Variants in SLC35F3 observed in about 807,000 individuals in gnomAD.
The protein encoded by SLC35F3 is putative thiamine transporter SLC35F3.
In SLC35F3, 25 loss-of-function variants were observed where a neutral mutation model predicts 49.9. The ratio of observed to expected loss-of-function variants is 0.50; its 90% confidence interval spans 0.37 to 0.70. The LOEUF (loss-of-function observed/expected upper bound fraction) is 0.70, where lower values mean the gene tolerates loss of function less well. Among genes scored for constraint, SLC35F3 ranks in the 30% least tolerant of loss-of-function variants. SLC35F3 has a pLI of 0.00. For synonymous variants in SLC35F3, 275 were observed against 265.4 expected (o/e 1.04, Z -0.35); for missense variants, 525 against 639.8 (o/e 0.82, Z 1.94).
At chr1:233,947,406 T>A (rs1165473532) in intron 2 of SLC35F3, among the ~76,000 whole-genome samples, 1 of 149,596 alleles carries the variant, frequency 6.7e-6, no homozygotes, top group Admixed American at 6.7e-5. Flanking sequence ...GATTTATTCT[T>A]AAGGCTGAGA....
intron 2 of SLC35F3, among the ~76,000 whole-genome samples, chr1:233,971,869 C>T (rs1662999448): frequency 6.6e-6 from 1 of 152,308 alleles, no homozygotes; most frequent in South Asian, 2.1e-4. Context: ...ATTGACCATC[C>T]ACTTACACCC....
intron 3 of SLC35F3, among the ~76,000 whole-genome samples, chr1:234,292,553 T>C (rs918511693): frequency 6.6e-6 from 1 of 152,200 alleles, no homozygotes; most frequent in African/African-American, 2.4e-5. Flanking sequence ...TTGTGGTGCC[T>C]GTTGGGGCAT....
intron 2 of SLC35F3, among the ~76,000 whole-genome samples, chr1:233,991,355 C>T (rs750331190): frequency 5.3e-5 from 8 of 152,012 alleles, no homozygotes; most frequent in Non-Finnish European, 8.8e-5. Flanking sequence ...TTGAAACGCC[C>T]GTGCCTTGCC....
intron 2 of SLC35F3, among the ~76,000 whole-genome samples, chr1:233,906,752 C>A (rs1661784297): frequency 6.6e-6 from 1 of 151,590 alleles, no homozygotes; most frequent in South Asian, 2.1e-4. Context: ...TAATCATATT[C>A]ATCACTAAAA....
intron 2 of SLC35F3, among the ~76,000 whole-genome samples, chr1:233,911,159 C>T (rs1661868048): frequency 6.6e-6 from 1 of 152,156 alleles, no homozygotes; most frequent in Non-Finnish European, 1.5e-5. Flanking sequence ...TCCTAGCGTC[C>T]CTGTTAGTTC....
chr1:234,323,333 A>T lies in SLC35F3; in HGVS notation c.*90A>T. 1 of 1,149,862 alleles carries T rather than the reference A, an allele frequency of 8.7e-7. No homozygotes were observed. 71.2% of individuals were successfully genotyped at this position (1,149,862 alleles called of 1,614,324 possible). ...TTGGGTAAGGTGTACATACCTGTAC[A>T]GTTTTGGTCATCTGCGGTAAGTTCT... On this transcript the variant is annotated 3_prime_UTR_variant, in exon 8 of 8. Coordinates refer to ENST00000366618, the MANE Select transcript of SLC35F3 (RefSeq NM_173508.4). The surrounding 1 kb of genome is among the most constrained non-coding windows in gnomAD (Gnocchi z 4.5).
chr1:234,222,893 G>T (rs578188889), intron 2 of SLC35F3, among the ~76,000 whole-genome samples: 1 of 152,266 alleles, frequency 6.6e-6, no homozygotes, highest in South Asian at 2.1e-4. Context: ...TAAACCAACT[G>T]GTGTATATGG....
intron 2 of SLC35F3, among the ~76,000 whole-genome samples, chr1:234,226,274 T>C (rs1441439945): frequency 2.6e-5 from 4 of 152,194 alleles, no homozygotes; most frequent in Non-Finnish European, 4.4e-5. Context: ...CTATCTCCTT[T>C]ACATTTGAAA....
At chr1:234,322,870 A>C (rs1657659245) in intron 7 of SLC35F3, 138 bp from the exon 8 acceptor site, 2 of 710,964 alleles carry the variant, frequency 2.8e-6, no homozygotes, top group South Asian at 3.6e-5. Flanking sequence ...GAACAAAATC[A>C]TACTGAGGAG....
chr1:233,941,573 C>T (rs1558184510), intron 2 of SLC35F3, among the ~76,000 whole-genome samples: 1 of 152,110 alleles, frequency 6.6e-6, no homozygotes, highest in Non-Finnish European at 1.5e-5. Context: ...GTAAATTAAC[C>T]AGTTAATTAA....
intron 2 of SLC35F3, among the ~76,000 whole-genome samples, chr1:234,086,047 AT>A (rs1428813254): frequency 6.6e-6 from 1 of 152,198 alleles, no homozygotes; most frequent in Non-Finnish European, 1.5e-5. Flanking sequence ...TATCTTGCTC[AT>A]TTTTGTTCAT....
At chr1:234,072,772 T>C (rs972000275) in intron 2 of SLC35F3, among the ~76,000 whole-genome samples, 2 of 151,684 alleles carry the variant, frequency 1.3e-5, no homozygotes, top group African/African-American at 2.4e-5. Context: ...CAGCAAAGAG[T>C]GGCAGGACCC....
At chr1:234,072,922 T>G (rs1174150202) in intron 2 of SLC35F3, among the ~76,000 whole-genome samples, 2 of 152,098 alleles carry the variant, frequency 1.3e-5, no homozygotes, top group East Asian at 3.9e-4. Flanking sequence ...TTGAAAAGAA[T>G]CACTTTGGTT....
intron 2 of SLC35F3, among the ~76,000 whole-genome samples, chr1:233,950,457 T>TTTCCTTCCTTCCTTCC (rs374073382): frequency 1.6e-5 from 2 of 127,256 alleles, no homozygotes; most frequent in Admixed American, 9.5e-5. Context: ...TCCTTCCTTC[T>TTTCCTTCCTTCCTTCC]TTCCTTCCTT....
intron 3 of SLC35F3, among the ~76,000 whole-genome samples, chr1:234,253,910 C>T (rs1667778174): frequency 6.6e-6 from 1 of 152,126 alleles, no homozygotes; most frequent in Non-Finnish European, 1.5e-5. Flanking sequence ...AGTGAGATGG[C>T]AGGATGCTAG....
chr1:234,251,464 C>CAAAAAAAAA (rs56891961), intron 3 of SLC35F3, among the ~76,000 whole-genome samples: 2 of 123,832 alleles, frequency 1.6e-5, no homozygotes, highest in African/African-American at 6.1e-5. Context: ...CAAACTAAAC[C>CAAAAAAAAA]AAAAAAAAAA....
At chr1:234,234,326 T>G (rs895210244) in intron 3 of SLC35F3, among the ~76,000 whole-genome samples, 4 of 152,066 alleles carry the variant, frequency 2.6e-5, no homozygotes, top group African/African-American at 9.7e-5. Flanking sequence ...GGAAGCTTCT[T>G]TTCTCTAAAC....
At chr1:234,032,037 A>G (rs963129610) in intron 2 of SLC35F3, among the ~76,000 whole-genome samples, 14 of 152,180 alleles carry the variant, frequency 9.2e-5, no homozygotes, top group African/African-American at 3.4e-4. Flanking sequence ...TTAGTTTTTC[A>G]GTTGACCTCG....
At chr1:233,922,374 G>T (rs1018872945) in intron 2 of SLC35F3, among the ~76,000 whole-genome samples, 14 of 151,738 alleles carry the variant, frequency 9.2e-5, no homozygotes, top group African/African-American at 2.9e-4. Context: ...GTTTTGATTT[G>T]CATTTCTCTG....
Sources: allele counts gnomAD v4.1 joint callset (sites outside exome capture counted in the v4.1 genomes callset), GRCh38; gene constraint gnomAD v4.1.1; non-coding constraint Gnocchi (gnomAD v3.1); transcripts MANE v1.5; gene names NCBI Gene and HGNC (gene_info 2026-07-23, HGNC 2026-07-21).